CACNA1C: variants seen among roughly 807,000 people sequenced by gnomAD.
CACNA1C encodes voltage-dependent L-type calcium channel subunit alpha-1C.
Under a neutral mutation model 229.0 loss-of-function variants are expected in CACNA1C, and 30 were observed. The observed-to-expected ratio is 0.13, with a 90% confidence interval of 0.10 to 0.18. The LOEUF is 0.18. Among genes scored for constraint, CACNA1C ranks in the 10% least tolerant of loss-of-function variants. CACNA1C has a pLI of 1.00. For missense variants in CACNA1C, 1,658 were observed against 2,845.0 expected (o/e 0.58, Z 9.49); for synonymous variants, 1,114 against 1,132.5 (o/e 0.98, Z 0.33).
chr12:2,390,281 A>C (rs1263420900), intron 3 of CACNA1C, among the ~76,000 whole-genome samples: 2 of 152,288 alleles, frequency 1.3e-5, no homozygotes, highest in East Asian at 3.9e-4. Context: ...ACACCAGAAC[A>C]ACAACCAGTG....
intron 3 of CACNA1C, among the ~76,000 whole-genome samples, chr12:2,385,615 A>C (rs2098366356): frequency 1.3e-5 from 2 of 152,112 alleles, no homozygotes; most frequent in Admixed American, 6.5e-5. Flanking sequence ...GCCTCCCTCC[A>C]TTCTTAGTTC....
intron 1 of CACNA1C, among the ~76,000 whole-genome samples, chr12:2,036,785 A>G (rs1327213088): frequency 6.6e-6 from 1 of 152,204 alleles, no homozygotes; most frequent in Non-Finnish European, 1.5e-5. Context: ...ATCTTTAAAA[A>G]GCAAATGCCC....
At chr12:2,606,517 G>A in intron 24 of CACNA1C, 94 bp from the exon 25 acceptor site, 1 of 1,020,106 alleles carries the variant, frequency 9.8e-7, no homozygotes, top group Non-Finnish European at 1.5e-6. Flanking sequence ...ACTGTCCCTA[G>A]CACAGTGCTG....
chr12:1,993,013 C>T (rs1053555715), intron 1 of CACNA1C: 9 of 645,272 alleles, frequency 1.4e-5, no homozygotes, highest in Admixed American at 2.6e-5. Context: ...GTTCACACTA[C>T]AAATCCATAA....
At chr12:2,333,359 C>T (rs184944544) in intron 3 of CACNA1C, among the ~76,000 whole-genome samples, 526 of 152,324 alleles carry the variant, frequency 3.5e-3, no homozygotes, top group African/African-American at 0.012. Context: ...GGATCATGCC[C>T]ATGGTGGGTG....
At chr12:2,246,563 T>C (rs1055012356) in intron 3 of CACNA1C, among the ~76,000 whole-genome samples, 3 of 152,082 alleles carry the variant, frequency 2.0e-5, no homozygotes, top group African/African-American at 7.2e-5. Flanking sequence ...CTCTGTGCAA[T>C]TCATACCGTT....
At chr12:2,040,451 G>A (rs2049891193) in intron 1 of CACNA1C, among the ~76,000 whole-genome samples, 1 of 152,160 alleles carries the variant, frequency 6.6e-6, no homozygotes, top group South Asian at 2.1e-4. Flanking sequence ...GGATAAAATT[G>A]TTGAGATTTA....
intron 11 of CACNA1C, among the ~76,000 whole-genome samples, chr12:2,558,927 G>A (rs1194560154): frequency 1.3e-5 from 2 of 151,882 alleles, no homozygotes; most frequent in Non-Finnish European, 2.9e-5. Flanking sequence ...TACAGAGCAA[G>A]AGCTCCAGAA....
chr12:2,492,998 A>G (rs2099739382), intron 6 of CACNA1C, among the ~76,000 whole-genome samples, 192 bp from the exon 7 acceptor site: 2 of 152,208 alleles, frequency 1.3e-5, no homozygotes, highest in Non-Finnish European at 2.9e-5. Flanking sequence ...GCCTAAATGG[A>G]AAGCCTACTT....
At chr12:2,064,076 T>G (rs2058485008) in intron 1 of CACNA1C, among the ~76,000 whole-genome samples, 3 of 152,128 alleles carry the variant, frequency 2.0e-5, no homozygotes, top group Non-Finnish European at 2.9e-5. Context: ...TACCAGAAAT[T>G]TGACTTTAAT....
At chr12:2,468,091 A>G (rs527973853) in intron 5 of CACNA1C, among the ~76,000 whole-genome samples, 3 of 152,368 alleles carry the variant, frequency 2.0e-5, no homozygotes, top group Non-Finnish European at 4.4e-5. Flanking sequence ...GGACACAGTA[A>G]GCACACTCAC....
chr12:2,264,177 G>A (rs147190419), intron 3 of CACNA1C, among the ~76,000 whole-genome samples: 7 of 152,306 alleles, frequency 4.6e-5, no homozygotes, highest in African/African-American at 1.7e-4. Context: ...TGAGGACCCC[G>A]CTGGAACTGG....
intron 3 of CACNA1C, among the ~76,000 whole-genome samples, chr12:2,250,351 G>A (rs911348433): frequency 6.6e-6 from 1 of 152,186 alleles, no homozygotes; most frequent in Non-Finnish European, 1.5e-5. Flanking sequence ...GAAACTCCCA[G>A]GTTGCACGCA....
At chr12:2,301,346 T>C (rs1276012292) in intron 3 of CACNA1C, among the ~76,000 whole-genome samples, 1 of 152,206 alleles carries the variant, frequency 6.6e-6, no homozygotes, top group Non-Finnish European at 1.5e-5. Context: ...ACAAGAATGA[T>C]TAGACCTTAA....
At chr12:2,097,472 A>C (rs1048830930) in intron 1 of CACNA1C, among the ~76,000 whole-genome samples, 1 of 152,126 alleles carries the variant, frequency 6.6e-6, no homozygotes, top group Non-Finnish European at 1.5e-5. Flanking sequence ...AGGAACTTTC[A>C]TCCTGTTTTC....
At chr12:2,531,327 G>C (rs1159863720) in intron 9 of CACNA1C, among the ~76,000 whole-genome samples, 1 of 152,172 alleles carries the variant, frequency 6.6e-6, no homozygotes, top group Non-Finnish European at 1.5e-5. Flanking sequence ...GAGAAGTGGA[G>C]TGGAAAGAAG....
At chr12:2,638,170 A>G (rs2093112708) in intron 30 of CACNA1C, among the ~76,000 whole-genome samples, 1 of 152,226 alleles carries the variant, frequency 6.6e-6, no homozygotes, top group African/African-American at 2.4e-5. Context: ...AGGAACTCAT[A>G]CGGTGTGTTA....
At position 2,016,738 on chromosome 12, in the gene CACNA1C, C is replaced by T. The variant is rs1032428943; in HGVS notation, c.139+45537C>T. On this transcript the variant is annotated intron_variant, in intron 1 of 46. Coordinates refer to the CACNA1C transcript ENST00000682462. ...AGCCACCATGCCCATCTGTTTAAAA[C>T]ATTTCTGAGAACAGTACCTGATCTA... Among the ~76,000 whole-genome samples, 103 of 152,182 alleles carry T rather than the reference C, an allele frequency of 6.8e-4. 1 individual carries two copies. The highest frequency in any genetic ancestry group is 2.5e-3 in the African/African-American group (102 of 41,458).
chr12:2,601,778 G>A lies in CACNA1C; in HGVS notation c.2854-76G>A. On this transcript the variant is annotated intron_variant, in intron 21 of 46. Transcript: ENST00000399655. This position sits in a 1 kb window ranked among gnomAD's most constrained non-coding sequence, Gnocchi z 5.9. ...GACTTGCCCAAGGGATGCTGTGGGA[G>A]GAAGGGGTGGTGTGAGGGGTCTCTG... The A allele has an allele frequency of 4.5e-6, 4 of 895,362 alleles. No individual in the cohort carries two copies. Among genetic ancestry groups the A allele is most frequent in the Non-Finnish European group, 7.6e-6 (4 of 526,140 alleles). 55.5% of individuals were successfully genotyped at this position (895,362 alleles called of 1,614,324 possible).
Sources: gnomAD v4.1 joint callset for allele counts (sites outside exome capture counted in the v4.1 genomes callset) on GRCh38, gnomAD v4.1.1 for gene constraint, Gnocchi (gnomAD v3.1) non-coding constraint, MANE v1.5 for transcripts, NCBI Gene and HGNC (gene_info 2026-07-23, HGNC 2026-07-21) for gene names.